CNIH3: variants seen among roughly 807,000 people sequenced by gnomAD.
CNIH3 encodes the protein protein cornichon homolog 3.
Under a neutral mutation model 24.1 loss-of-function variants are expected in CNIH3, and 14 were observed. The ratio of observed to expected loss-of-function variants is 0.58; its 90% CI spans 0.38 to 0.91. The LOEUF (loss-of-function observed/expected upper bound fraction) is 0.91, where lower values mean the gene tolerates loss of function less well. Among genes scored for constraint, CNIH3 ranks in the 40% least tolerant of loss-of-function variants. The pLI, the probability that CNIH3 is intolerant of heterozygous loss-of-function variation, is 0.00. For missense variants in CNIH3, 178 were observed against 196.8 expected (o/e 0.90, Z 0.57); for synonymous variants, 68 against 73.8 (o/e 0.92, Z 0.40).
At chr1:224,630,085 T>C (rs1683743275) in intron 1 of CNIH3, among the ~76,000 whole-genome samples, 1 of 152,078 alleles carries the variant, frequency 6.6e-6, no homozygotes, top group African/African-American at 2.4e-5. Context: ...AGGAAGAGAG[T>C]AGCGGTGTTT....
chr1:224,437,907 C>T (rs964888827), intron 1 of CNIH3, among the ~76,000 whole-genome samples: 5 of 110,330 alleles, frequency 4.5e-5, no homozygotes, highest in African/African-American at 7.1e-5. Context: ...GTACTGCCCA[C>T]GGCAACTATT....
intron 1 of CNIH3, among the ~76,000 whole-genome samples, chr1:224,496,733 G>A (rs963173294): frequency 6.6e-6 from 1 of 152,176 alleles, no homozygotes; most frequent in African/African-American, 2.4e-5. Context: ...ACTACAGGTG[G>A]CATAGGATAT....
chr1:224,503,064 G>A (rs899030789), intron 1 of CNIH3, among the ~76,000 whole-genome samples: 5 of 152,022 alleles, frequency 3.3e-5, no homozygotes, highest in African/African-American at 9.7e-5. Context: ...GGGAGGTGGG[G>A]GCAGGGGCGG....
In CNIH3 at chr1:224,687,306, A is replaced by C. The variant is rs115111984; in HGVS notation, c.198+2463A>C. ...GAGTGCAGGGGTGCAATCATAACTC[A>C]CTGCAGCCTTGAACTCCTTGGGCTC... On this transcript the variant is annotated intron_variant, in intron 3 of 5. Coordinates refer to ENST00000272133, the MANE Select transcript of CNIH3 (RefSeq NM_152495.2). 5.8e-3 allele frequency among the ~76,000 whole-genome samples: 883 copies of C among 152,198 alleles called. 7 individuals carry two copies. The highest frequency in any genetic ancestry group is 0.02 in the African/African-American group (833 of 41,522).
At chr1:224,456,192 C>T (rs925371108) in intron 1 of CNIH3, among the ~76,000 whole-genome samples, 12 of 152,164 alleles carry the variant, frequency 7.9e-5, no homozygotes, top group Admixed American at 6.5e-4. Flanking sequence ...GCACTCTTTT[C>T]TTCCCTGCTC....
intron 3 of CNIH3, among the ~76,000 whole-genome samples, chr1:224,690,367 A>C (rs1686871811): frequency 6.6e-6 from 1 of 151,958 alleles, no homozygotes; most frequent in African/African-American, 2.4e-5. Context: ...TGCCTGGCTA[A>C]TTTTTGTATT....
intron 2 of CNIH3, chr1:224,536,895 A>T (rs1289575783): frequency 2.0e-5 from 3 of 152,218 alleles, no homozygotes; most frequent in Non-Finnish European, 1.5e-5. Context: ...AAATTTCTGA[A>T]TGTGAGAATT....
intron 3 of CNIH3, among the ~76,000 whole-genome samples, chr1:224,606,480 A>G (rs1238230035): frequency 6.6e-6 from 1 of 152,126 alleles, no homozygotes; most frequent in Non-Finnish European, 1.5e-5. Flanking sequence ...GTCCAGCTGC[A>G]TCTTCTCCTC....
chr1:224,705,823 T>TTTTCTTTTCTTTTATCTC (rs1394227791), intron 3 of CNIH3, among the ~76,000 whole-genome samples: 1 of 151,514 alleles, frequency 6.6e-6, no homozygotes, highest in East Asian at 1.9e-4. Context: ...CTCTTTCTCT[T>TTTTCTTTTCTTTTATCTC]TTTCTTTTCT....
At chr1:224,565,515 T>A (rs1408183751) in intron 3 of CNIH3, 1 of 152,426 alleles carries the variant, frequency 6.6e-6, no homozygotes. Flanking sequence ...GCTCCAGGCC[T>A]TCTGACCTAG....
intron 1 of CNIH3, among the ~76,000 whole-genome samples, chr1:224,674,282 T>TG (rs1317853467): frequency 3.0e-5 from 2 of 67,372 alleles, no homozygotes; most frequent in African/African-American, 1.2e-4. Flanking sequence ...GTTTTTTTTT[T>TG]TTTTTTTTTT....
At chr1:224,608,121 A>G (rs7535822) in intron 3 of CNIH3, among the ~76,000 whole-genome samples, 3,511 of 152,326 alleles carry the variant, frequency 0.023, 145 homozygotes, top group African/African-American at 0.08. Flanking sequence ...GGCAGGCTTC[A>G]GAGCAGGAGA....
intron 3 of CNIH3, among the ~76,000 whole-genome samples, chr1:224,697,834 C>CA (rs1687256057): frequency 1.3e-5 from 2 of 152,132 alleles, no homozygotes. Context: ...TTGCATTATC[C>CA]AGTCTCTGCC....
chr1:224,464,787 A>G (rs1269372410), intron 1 of CNIH3, among the ~76,000 whole-genome samples: 5 of 151,926 alleles, frequency 3.3e-5, no homozygotes, highest in African/African-American at 1.2e-4. Context: ...TTTTTTTTAA[A>G]GATTTTATTT....
chr1:224,489,821 A>G (rs1185114329), intron 1 of CNIH3, among the ~76,000 whole-genome samples: 1 of 152,158 alleles, frequency 6.6e-6, no homozygotes, highest in East Asian at 1.9e-4. Flanking sequence ...GTCTTGTGAG[A>G]GCCTGATTTC....
At chr1:224,568,368 C>T (rs1217368606) in intron 4 of CNIH3, among the ~76,000 whole-genome samples, 5 of 152,050 alleles carry the variant, frequency 3.3e-5, no homozygotes, top group Admixed American at 6.6e-5. Context: ...TAGATGCCAG[C>T]TACTGAGCTG....
intron 2 of CNIH3, among the ~76,000 whole-genome samples, chr1:224,527,432 C>A (rs779503200): frequency 6.6e-6 from 1 of 152,136 alleles, no homozygotes; most frequent in Admixed American, 6.5e-5. Flanking sequence ...ACCAGTGAAA[C>A]GGCTGTTGAA....
rs367900660 is a variant in CNIH3, at chr1:224,466,201, A to G, written n.203+31339A>G. Among the ~76,000 whole-genome samples, 9 of 152,294 alleles carry G rather than the reference A, an allele frequency of 5.9e-5. No homozygotes were observed. The South Asian group carries it at 1.7e-3, about 28-fold the overall frequency. On this transcript the variant is annotated intron_variant and non_coding_transcript_variant, in intron 1 of 5. Transcript: ENST00000471578. ...AATTGCCACCACAATCAAGATACAG[A>G]CCCATTTCATCACCATAAGCCTCCC...
At chr1:224,493,326 A>G (rs984963544) in intron 1 of CNIH3, among the ~76,000 whole-genome samples, 1 of 152,132 alleles carries the variant, frequency 6.6e-6, no homozygotes, top group Non-Finnish European at 1.5e-5. Flanking sequence ...TGGCTTTTAA[A>G]GTTGTCTTTA....
Sources: gnomAD v4.1 joint callset for allele counts (sites outside exome capture counted in the v4.1 genomes callset) on GRCh38, gnomAD v4.1.1 for gene constraint, MANE v1.5 for transcripts, NCBI Gene and HGNC (gene_info 2026-07-23, HGNC 2026-07-21) for gene names.